Variants in DPH6 observed in about 807,000 individuals in gnomAD.
DPH6 encodes the protein diphthamine biosynthesis 6, also known as diphthine--ammonia ligase.
Under a neutral mutation model 38.2 loss-of-function variants are expected in DPH6, and 33 were observed. The observed-to-expected ratio is 0.86, with a 90% confidence interval of 0.65 to 1.15. DPH6 has a LOEUF of 1.15. DPH6 is among the 50% of genes most tolerant of loss of function. The pLI is 0.00. For synonymous variants in DPH6, 108 were observed against 103.0 expected (o/e 1.05, Z -0.30); for missense variants, 325 against 320.0 (o/e 1.02, Z -0.12).
At chr15:35,484,482 G>A (rs966298542) in intron 3 of DPH6, among the ~76,000 whole-genome samples, 2 of 152,274 alleles carry the variant, frequency 1.3e-5, no homozygotes, top group Middle Eastern at 3.4e-3. Flanking sequence ...TTATATGGCC[G>A]TTGGCAGAAT....
chr15:35,167,833 T>C, the DPH6 span, among the ~76,000 whole-genome samples: 1 of 152,050 alleles, frequency 6.6e-6, no homozygotes, highest in Non-Finnish European at 1.5e-5. Context: ...ACCCAAATTA[T>C]GATGGGATTG....
chr15:35,460,361 A>G (rs1489183043), intron 3 of DPH6, among the ~76,000 whole-genome samples: 1 of 152,216 alleles, frequency 6.6e-6, no homozygotes, highest in African/African-American at 2.4e-5. Context: ...AGTAGTAGAG[A>G]CCAAACGGGA....
At chr15:35,323,142 C>T (rs1465712327) in intron 3 of DPH6, among the ~76,000 whole-genome samples, 1 of 151,978 alleles carries the variant, frequency 6.6e-6, no homozygotes, top group Non-Finnish European at 1.5e-5. Flanking sequence ...ATAGTGGAGA[C>T]ATAAAGTAAT....
At chr15:35,465,341 A>G (rs2054114185) in intron 3 of DPH6, among the ~76,000 whole-genome samples, 1 of 152,224 alleles carries the variant, frequency 6.6e-6, no homozygotes, top group Non-Finnish European at 1.5e-5. Flanking sequence ...GCACACTTGC[A>G]TTATAGCTCT....
intron 3 of DPH6, among the ~76,000 whole-genome samples, chr15:35,533,103 G>T (rs1193859859): frequency 1.1e-5 from 1 of 90,512 alleles, no homozygotes; most frequent in Non-Finnish European, 2.8e-5. Flanking sequence ...GCGACACTCA[G>T]TCTCGAAAAA....
intron 6 of DPH6, among the ~76,000 whole-genome samples, chr15:35,385,894 G>A (rs1052098199): frequency 2.6e-5 from 4 of 151,392 alleles, no homozygotes; most frequent in East Asian, 1.9e-4. Flanking sequence ...TGTGCACAAC[G>A]TGCAGGTTTG....
chr15:35,353,301 A>C (rs531243924), intron 3 of DPH6, among the ~76,000 whole-genome samples: 2 of 152,100 alleles, frequency 1.3e-5, no homozygotes, highest in Non-Finnish European at 2.9e-5. Context: ...CCATTTGTCA[A>C]TTTTGGCTTT....
At chr15:35,506,144 T>C (rs1681041360) in intron 3 of DPH6, among the ~76,000 whole-genome samples, 1 of 152,150 alleles carries the variant, frequency 6.6e-6, no homozygotes, top group African/African-American at 2.4e-5. Flanking sequence ...ATCTTTATCT[T>C]ATTTAGGAAC....
At chr15:35,237,398 GACAACAGTCGGTCGA>G in intron 3 of DPH6, 1 of 1,604,622 alleles carries the variant, frequency 6.2e-7, no homozygotes, top group Non-Finnish European at 8.5e-7. Context: ...ACTTGTCCTG[GACAACAGTCGGTCGA>G]ATGAAGGCAA....
chr15:35,292,999 C>G (rs1379286187), intron 3 of DPH6, among the ~76,000 whole-genome samples: 1 of 151,936 alleles, frequency 6.6e-6, no homozygotes, highest in African/African-American at 2.4e-5. Flanking sequence ...AATATGCTGC[C>G]ATTTGGGTAC....
intron 3 of DPH6, among the ~76,000 whole-genome samples, chr15:35,498,505 A>G (rs1186696935): frequency 6.6e-6 from 1 of 152,104 alleles, no homozygotes; most frequent in East Asian, 1.9e-4. Context: ...GATATCCAGG[A>G]TTCTTCCACT....
At position 35,490,591 on chromosome 15, in the gene DPH6, G is replaced by C. The variant is rs1178383998; in HGVS notation, c.313-35771C>G. Among the ~76,000 whole-genome samples the C allele has an allele frequency of 3.3e-5, 5 of 152,042 alleles. No individual in the cohort carries two copies. In the East Asian group the frequency reaches 9.6e-4, roughly 29 times the overall value. On this transcript the variant is annotated intron_variant, in intron 3 of 8. Coordinates refer to ENST00000256538, the MANE Select transcript of DPH6 (RefSeq NM_080650.4). ...TGGGACATGCATCTCATTTTCATGA[G>C]GGTCCCTGAGAGACTTGAGCATACA...
At chr15:35,240,208 C>T (rs1222527124) in intron 3 of DPH6, among the ~76,000 whole-genome samples, 1 of 141,986 alleles carries the variant, frequency 7.0e-6, no homozygotes, top group Admixed American at 7.7e-5. Context: ...AGCCAGAAAA[C>T]GGCACTTTCA....
rs569292089 is a variant in DPH6 at position 35,475,900 on chromosome 15, A to G, written c.313-21080T>C. 1.3e-3 allele frequency among the ~76,000 whole-genome samples: 194 copies of G among 152,016 alleles called. 1 individual carries two copies. Among genetic ancestry groups the G allele is most frequent in the South Asian group, 2.5e-3 (12 of 4,828 alleles). On this transcript the variant is annotated intron_variant, in intron 3 of 8. Transcript: ENST00000256538. ...CAGTCTCTGCCCTCAAGAAGCTTATATATAGCTGGAGAAAAGATACATGAA... is the reference window on the plus strand; with the variant it reads ...CAGTCTCTGCCCTCAAGAAGCTTATGTATAGCTGGAGAAAAGATACATGAA...
chr15:35,416,629 A>G (rs552346909), intron 5 of DPH6, among the ~76,000 whole-genome samples: 82 of 152,156 alleles, frequency 5.4e-4, no homozygotes, highest in South Asian at 8.3e-4. Context: ...CTTGATTATA[A>G]TAACTACATA....
At chr15:35,477,916 T>C (rs1275360864) in intron 3 of DPH6, among the ~76,000 whole-genome samples, 1 of 151,962 alleles carries the variant, frequency 6.6e-6, no homozygotes, top group African/African-American at 2.4e-5. Context: ...GTAGCTATTA[T>C]CAATTTCCCA....
chr15:35,518,344 G>A (rs1328941344), intron 3 of DPH6, among the ~76,000 whole-genome samples: 4 of 152,064 alleles, frequency 2.6e-5, no homozygotes, highest in South Asian at 2.1e-4. Flanking sequence ...AGTCTTCTTC[G>A]TAGCTGGTGG....
chr15:35,448,887 T>C (rs1216885780), intron 5 of DPH6, among the ~76,000 whole-genome samples: 1 of 151,708 alleles, frequency 6.6e-6, no homozygotes. Context: ...TGCATTCATG[T>C]AGAACTGACC....
the DPH6 span, among the ~76,000 whole-genome samples, chr15:35,154,354 G>C: frequency 6.6e-6 from 1 of 152,104 alleles, no homozygotes. Flanking sequence ...TTGTTGAATG[G>C]TGAACTGGCA....
Sources: gnomAD v4.1 joint callset for allele counts (sites outside exome capture counted in the v4.1 genomes callset) on GRCh38, gnomAD v4.1.1 for gene constraint, MANE v1.5 for transcripts, NCBI Gene and HGNC (gene_info 2026-07-23, HGNC 2026-07-21) for gene names.